The following ARHGAP26 variants were observed in gnomAD, a reference collection of about 807,000 sequenced individuals.
ARHGAP26 encodes the protein Rho GTPase activating protein 26, also known as rho GTPase-activating protein 26.
In ARHGAP26, 38 loss-of-function variants were observed where a neutral mutation model predicts 104.8. The ratio of observed to expected loss-of-function variants is 0.36; its 90% confidence interval spans 0.28 to 0.48. The LOEUF is 0.48. Ranked by LOEUF, ARHGAP26 falls within the 20% of genes least tolerant of loss-of-function variation. The pLI, the probability that ARHGAP26 is intolerant of heterozygous loss-of-function variation, is 0.99. For synonymous variants in ARHGAP26, 341 were observed against 340.0 expected, an observed-to-expected ratio of 1.00 and a Z score of -0.03; for missense variants, 704 against 947.9, an observed-to-expected ratio of 0.74 and a Z score of 3.38.
chr5:142,807,355 A>G (rs2151994862), intron 1 of ARHGAP26, among the ~76,000 whole-genome samples: 1 of 152,338 alleles, frequency 6.6e-6, no homozygotes, highest in African/African-American at 2.4e-5. Flanking sequence ...GGGCCAAGCC[A>G]GGGTTCAAAC....
At chr5:142,886,481 C>T (rs1430292785) in intron 5 of ARHGAP26, among the ~76,000 whole-genome samples, 2 of 152,172 alleles carry the variant, frequency 1.3e-5, no homozygotes, top group East Asian at 3.8e-4. Context: ...CATTACTCAA[C>T]AACAATGACA....
intron 20 of ARHGAP26, among the ~76,000 whole-genome samples, chr5:143,176,992 G>T (rs911274893): frequency 1.3e-5 from 2 of 152,192 alleles, no homozygotes; most frequent in African/African-American, 4.8e-5. Flanking sequence ...ATATCAATGT[G>T]CTTTGGCTCT....
chr5:143,132,216 C>T (rs377640846), intron 18 of ARHGAP26, among the ~76,000 whole-genome samples: 12 of 152,090 alleles, frequency 7.9e-5, no homozygotes, highest in South Asian at 4.2e-4. Context: ...CCCGAGGACC[C>T]GCCAACCCAT....
chr5:142,894,847 T>C (rs1266069947), intron 6 of ARHGAP26, among the ~76,000 whole-genome samples: 1 of 152,218 alleles, frequency 6.6e-6, no homozygotes, highest in African/African-American at 2.4e-5. Flanking sequence ...CTCACATGGA[T>C]TTCCCACATG....
At chr5:142,992,589 G>A (rs891517071) in intron 11 of ARHGAP26, among the ~76,000 whole-genome samples, 3 of 151,716 alleles carry the variant, frequency 2.0e-5, no homozygotes, top group African/African-American at 2.4e-5. Context: ...CACCATGCCC[G>A]GCTAATTTTT....
chr5:142,998,016 G>C (rs1451585644), intron 11 of ARHGAP26, among the ~76,000 whole-genome samples: 1 of 152,130 alleles, frequency 6.6e-6, no homozygotes, highest in African/African-American at 2.4e-5. Context: ...TATATTGATT[G>C]GTTGATGAAA....
chr5:143,213,376 GCA>G (rs1168817578), intron 21 of ARHGAP26, among the ~76,000 whole-genome samples: 1 of 151,900 alleles, frequency 6.6e-6, no homozygotes, highest in Admixed American at 6.6e-5. Context: ...GTGTGCTCAT[GCA>G]CACACATGTG....
At chr5:143,052,464 G>T (rs1051778536) in intron 14 of ARHGAP26, among the ~76,000 whole-genome samples, 6 of 150,226 alleles carry the variant, frequency 4.0e-5, no homozygotes, top group Middle Eastern at 3.4e-3. Context: ...GTGAGACTCT[G>T]TCTGAAAAAA....
chr5:143,119,993 G>A (rs1302112907), intron 17 of ARHGAP26, among the ~76,000 whole-genome samples: 2 of 152,116 alleles, frequency 1.3e-5, no homozygotes, highest in African/African-American at 4.8e-5. Context: ...AAATGCTAGG[G>A]AGGTAGGTCT....
chr5:142,800,479 C>T (rs909532551), intron 1 of ARHGAP26, among the ~76,000 whole-genome samples: 2 of 151,974 alleles, frequency 1.3e-5, no homozygotes, highest in Admixed American at 1.3e-4. Flanking sequence ...TCTCCTGCCT[C>T]AGCCTCCCGA....
intron 14 of ARHGAP26, among the ~76,000 whole-genome samples, chr5:143,045,774 G>T (rs1363840689): frequency 6.6e-6 from 1 of 152,134 alleles, no homozygotes; most frequent in African/African-American, 2.4e-5. Context: ...GAGGCAGGTG[G>T]ATCACCTGAG....
chr5:142,981,052 T>C (rs1224710922), intron 11 of ARHGAP26, among the ~76,000 whole-genome samples: 1 of 152,228 alleles, frequency 6.6e-6, no homozygotes, highest in Non-Finnish European at 1.5e-5. Context: ...TACCATCTTT[T>C]GGCCATGTTT....
chr5:142,792,793 C>T (rs1353790959), intron 1 of ARHGAP26, among the ~76,000 whole-genome samples: 2 of 152,102 alleles, frequency 1.3e-5, no homozygotes, highest in Non-Finnish European at 2.9e-5. Context: ...CCTGTGTTTC[C>T]CTGATGTGCC....
intron 20 of ARHGAP26, among the ~76,000 whole-genome samples, chr5:143,151,619 T>C (rs114190454): frequency 0.022 from 3,332 of 152,252 alleles, 123 homozygotes; most frequent in African/African-American, 0.077. Context: ...TCTCCAGCCA[T>C]GAAAAGACAT....
intron 11 of ARHGAP26, among the ~76,000 whole-genome samples, chr5:142,937,089 C>T (rs796626415): frequency 2.0e-5 from 3 of 152,178 alleles, no homozygotes; most frequent in African/African-American, 7.2e-5. Flanking sequence ...AGGCAGTCTA[C>T]AGAATGGTAG....
intron 1 of ARHGAP26, among the ~76,000 whole-genome samples, chr5:142,778,640 T>C (rs1357220451): frequency 6.6e-6 from 1 of 152,224 alleles, no homozygotes; most frequent in Non-Finnish European, 1.5e-5. Context: ...TTGGATTGTC[T>C]CTGTTGTTCA....
intron 1 of ARHGAP26, among the ~76,000 whole-genome samples, chr5:142,855,959 A>G (rs750579182): frequency 1.3e-5 from 2 of 152,224 alleles, no homozygotes; most frequent in South Asian, 2.1e-4. Context: ...GGCATAGTCT[A>G]CTCCTTTAAG....
intron 1 of ARHGAP26, among the ~76,000 whole-genome samples, chr5:142,776,794 TGTTTAA>T (rs1210639462): frequency 2.0e-5 from 3 of 152,248 alleles, no homozygotes; most frequent in African/African-American, 4.8e-5. Flanking sequence ...GGTAAATTTA[TGTTTAA>T]GTTTAATTTA....
intron 5 of ARHGAP26, 24 bp downstream of exon 5, chr5:142,885,423 G>T: frequency 6.4e-7 from 1 of 1,570,398 alleles, no homozygotes; most frequent in Non-Finnish European, 8.7e-7. Context: ...TTAGTATCCT[G>T]AATAAAGTGT....
Sources: gnomAD v4.1 joint callset for allele counts (sites outside exome capture counted in the v4.1 genomes callset) on GRCh38, gnomAD v4.1.1 for gene constraint, MANE v1.5 for transcripts, NCBI Gene and HGNC (gene_info 2026-07-23, HGNC 2026-07-21) for gene names.